Variants in USP47 observed in about 807,000 individuals in gnomAD.
USP47 encodes ubiquitin carboxyl-terminal hydrolase 47.
USP47 carries 35 observed loss-of-function variants against 165.1 expected under a neutral mutation model. That is an observed-to-expected ratio of 0.21 (90% CI 0.16 to 0.28). The LOEUF is 0.28. Ranked by LOEUF, USP47 falls within the 10% of genes least tolerant of loss-of-function variation. The probability of loss-of-function intolerance (pLI) is 1.00; values close to 1 mark genes in which losing one functional copy is unlikely to be tolerated. For synonymous variants in USP47, 531 were observed against 544.5 expected (o/e 0.98, Z 0.35); for missense variants, 1,277 against 1,607.4 (o/e 0.79, Z 3.52).
chr11:11,895,711 T>A (rs1851804507), intron 4 of USP47, among the ~76,000 whole-genome samples: 1 of 152,096 alleles, frequency 6.6e-6, no homozygotes, highest in African/African-American at 2.4e-5. Flanking sequence ...AACTTACAAG[T>A]GATTAGAAAC....
At chr11:11,852,807 T>C (rs1291764581) in intron 1 of USP47, among the ~76,000 whole-genome samples, 3 of 152,210 alleles carry the variant, frequency 2.0e-5, no homozygotes, top group Non-Finnish European at 1.5e-5. Flanking sequence ...TTCTTAATGT[T>C]TTTGTCTCAT....
intron 3 of USP47, among the ~76,000 whole-genome samples, chr11:11,889,576 A>C (rs1851381511): frequency 6.6e-6 from 1 of 152,214 alleles, no homozygotes; most frequent in African/African-American, 2.4e-5. Flanking sequence ...AAATGGGAAA[A>C]CATTCCATGC....
chr11:11,893,104 A>G (rs1053776408), intron 4 of USP47, among the ~76,000 whole-genome samples: 1 of 151,950 alleles, frequency 6.6e-6, no homozygotes, highest in Admixed American at 6.6e-5. Flanking sequence ...TAATTTTTTC[A>G]CTTTATTGAG....
chr11:11,903,003 T>C, intron 6 of USP47, 143 bp downstream of exon 6: 1 of 933,968 alleles, frequency 1.1e-6, no homozygotes, highest in East Asian at 2.8e-5. Flanking sequence ...CTAACACATT[T>C]CATAACTCTA....
At chr11:11,849,446 ATTC>A (rs1458857544) in intron 1 of USP47, among the ~76,000 whole-genome samples, 8 of 152,252 alleles carry the variant, frequency 5.3e-5, no homozygotes, top group South Asian at 2.1e-4. Context: ...GCTGCCAAAT[ATTC>A]TTCTGCACTG....
chr11:11,875,649 G>A (rs1850362884), intron 1 of USP47, among the ~76,000 whole-genome samples: 1 of 152,068 alleles, frequency 6.6e-6, no homozygotes, highest in African/African-American at 2.4e-5. Context: ...TGTCGCCCAG[G>A]CTGGAGTGCA....
At chr11:11,923,533 GT>G (rs1246728527) in intron 11 of USP47, among the ~76,000 whole-genome samples, 1 of 151,976 alleles carries the variant, frequency 6.6e-6, no homozygotes, top group African/African-American at 2.4e-5. Flanking sequence ...AACTTTAAGG[GT>G]TTTTTAGACC....
rs184824904 is a variant in USP47, at chr11:11,936,011, T to C, written c.1870-292T>C. ...ATGAACAATAGTTACAATACATTGA[T>C]TTTGTTTCTACACCTAAAGTTTATG... On this transcript the variant is annotated intron_variant, in intron 16 of 27. Transcript: ENST00000527733. 3.5e-3 allele frequency among the ~76,000 whole-genome samples: 531 copies of C among 152,058 alleles called. 3 individuals are homozygous for C. Among genetic ancestry groups the C allele is most frequent in the Non-Finnish European group, 5.9e-3 (401 of 67,892 alleles).
chr11:11,850,101 TG>T (rs570427633), intron 1 of USP47, among the ~76,000 whole-genome samples: 173 of 152,296 alleles, frequency 1.1e-3, no homozygotes, highest in African/African-American at 4.0e-3. Context: ...GTTATATGTC[TG>T]TTTTTTTAAT....
chr11:11,880,763 T>C (rs1249081989), intron 2 of USP47, among the ~76,000 whole-genome samples: 1 of 152,150 alleles, frequency 6.6e-6, no homozygotes, highest in Non-Finnish European at 1.5e-5. Context: ...AAGAAAAATA[T>C]TCATAGTAAG....
chr11:11,865,232 G>A (rs958281880), intron 1 of USP47, among the ~76,000 whole-genome samples: 8 of 152,080 alleles, frequency 5.3e-5, no homozygotes, highest in African/African-American at 1.9e-4. Flanking sequence ...TTATTTCTTT[G>A]AGTACTTTTT....
At chr11:11,927,181 G>GACACC (rs1564883544) in intron 11 of USP47, among the ~76,000 whole-genome samples, 2 of 151,746 alleles carry the variant, frequency 1.3e-5, no homozygotes, top group Non-Finnish European at 2.9e-5. Context: ...TCTTATCCTT[G>GACACC]TTCCTCTATA....
intron 14 of USP47, among the ~76,000 whole-genome samples, chr11:11,932,092 G>C (rs967475059): frequency 6.6e-6 from 1 of 152,144 alleles, no homozygotes; most frequent in African/African-American, 2.4e-5. Context: ...CCCAGCTTCT[G>C]ATGAAGCCTC....
chr11:11,947,573 G>A (rs76659058), intron 20 of USP47, among the ~76,000 whole-genome samples: 1,658 of 152,244 alleles, frequency 0.011, 28 homozygotes, highest in African/African-American at 0.038. Flanking sequence ...GGAGGCTGGC[G>A]CCGTGTCCCA....
intron 4 of USP47, among the ~76,000 whole-genome samples, chr11:11,894,392 G>T (rs1010545095): frequency 3.3e-5 from 5 of 152,102 alleles, no homozygotes; most frequent in Admixed American, 6.5e-5. Context: ...GGAGGTGGTT[G>T]CAGTGAGCCG....
At chr11:11,881,440 T>C (rs1850822423) in intron 2 of USP47, among the ~76,000 whole-genome samples, 1 of 152,180 alleles carries the variant, frequency 6.6e-6, no homozygotes. Flanking sequence ...TTCCTCACTT[T>C]TAGCTGTTTC....
rs749141720 is a variant in USP47, at chr11:11,948,475, T to C, written c.3268-3T>C. ...TGTCTAAAAAAATGTTTTTAACTTA[T>C]AGATTACAATTAGACTGGGGAGAGC... On this transcript the variant is annotated splice_polypyrimidine_tract_variant and splice_region_variant and intron_variant, in intron 21 of 27. Coordinates refer to ENST00000527733, the MANE Select transcript of USP47 (RefSeq NM_001282659.2). 9.9e-6 allele frequency: 16 copies of C among 1,609,498 alleles called. No individual in the cohort carries two copies. The East Asian group carries it at 1.3e-4, about 13-fold the overall frequency.
chr11:11,873,485 G>A (rs1850203384), intron 1 of USP47, among the ~76,000 whole-genome samples: 1 of 152,066 alleles, frequency 6.6e-6, no homozygotes, highest in Non-Finnish European at 1.5e-5. Context: ...CTTTAGTGCA[G>A]AGAACTGCAG....
At chr11:11,938,168 T>C in intron 17 of USP47, 89 bp from the exon 18 acceptor site, 1 of 1,099,718 alleles carries the variant, frequency 9.1e-7, no homozygotes, top group Non-Finnish European at 1.3e-6. Flanking sequence ...ATTTGTCACC[T>C]GTTAGAAACA....
Sources: gnomAD v4.1 joint callset for allele counts (sites outside exome capture counted in the v4.1 genomes callset) on GRCh38, gnomAD v4.1.1 for gene constraint, MANE v1.5 for transcripts, NCBI Gene and HGNC (gene_info 2026-07-23, HGNC 2026-07-21) for gene names.